Variants in INPP4B observed in about 807,000 individuals in gnomAD.
INPP4B encodes inositol polyphosphate-4-phosphatase type II B, also known as inositol polyphosphate 4-phosphatase type II.
INPP4B carries 55 observed loss-of-function variants against 122.5 expected under a neutral mutation model. The observed-to-expected ratio is 0.45, with a 90% CI of 0.36 to 0.56. INPP4B has a LOEUF of 0.56. INPP4B is among the 20% of genes least tolerant of loss of function. The pLI, the probability that INPP4B is intolerant of heterozygous loss-of-function variation, is 0.00. For synonymous variants in INPP4B, 403 were observed against 388.7 expected (o/e 1.04, Z -0.43); for missense variants, 1,000 against 1,097.7 (o/e 0.91, Z 1.26).
chr4:142,295,340 G>C (rs1295917886), intron 9 of INPP4B, among the ~76,000 whole-genome samples: 1 of 152,186 alleles, frequency 6.6e-6, no homozygotes, highest in Non-Finnish European at 1.5e-5. Context: ...AATGACTGTG[G>C]ATGGGGGTAT....
intron 25 of INPP4B, among the ~76,000 whole-genome samples, chr4:142,034,462 C>T (rs1201082138): frequency 6.6e-6 from 1 of 152,066 alleles, no homozygotes; most frequent in Non-Finnish European, 1.5e-5. Flanking sequence ...GCGATCCCCT[C>T]TTACCTCTCT....
intron 2 of INPP4B, among the ~76,000 whole-genome samples, chr4:142,648,167 T>C (rs1217774147): frequency 6.6e-6 from 1 of 152,256 alleles, no homozygotes; most frequent in African/African-American, 2.4e-5. Context: ...GAAACTGCAT[T>C]GGCATAGGTT....
intron 2 of INPP4B, among the ~76,000 whole-genome samples, chr4:142,558,309 G>A (rs1187921534): frequency 5.9e-4 from 89 of 151,878 alleles, no homozygotes; most frequent in Non-Finnish European, 5.9e-5. Context: ...CTGTTCTCTG[G>A]ATTCATAGCA....
At chr4:142,771,045 A>G (rs770281297) in intron 1 of INPP4B, among the ~76,000 whole-genome samples, 1 of 152,140 alleles carries the variant, frequency 6.6e-6, no homozygotes, top group African/African-American at 2.4e-5. Flanking sequence ...GGCTACAGAG[A>G]ACTTGAAATC....
chr4:142,735,418 A>C (rs1653185652), intron 1 of INPP4B, among the ~76,000 whole-genome samples: 1 of 152,116 alleles, frequency 6.6e-6, no homozygotes, highest in African/African-American at 2.4e-5. Context: ...TAATAAAACT[A>C]ATCCTTCAGT....
At chr4:142,320,709 A>G (rs1769673908) in intron 7 of INPP4B, among the ~76,000 whole-genome samples, 1 of 152,122 alleles carries the variant, frequency 6.6e-6, no homozygotes, top group African/African-American at 2.4e-5. Flanking sequence ...TTGTGTCCTC[A>G]TAGCTTAGCT....
chr4:142,532,502 T>A (rs1008975330), intron 2 of INPP4B, among the ~76,000 whole-genome samples: 5 of 152,132 alleles, frequency 3.3e-5, no homozygotes, highest in Non-Finnish European at 7.3e-5. Flanking sequence ...CTTCCCTTTT[T>A]CATAGCACTC....
chr4:142,589,759 C>T (rs1161992235), intron 2 of INPP4B, among the ~76,000 whole-genome samples: 1 of 152,096 alleles, frequency 6.6e-6, no homozygotes, highest in Non-Finnish European at 1.5e-5. Context: ...TATGACCCAG[C>T]AATTGTGCTT....
intron 14 of INPP4B, among the ~76,000 whole-genome samples, chr4:142,200,213 G>A (rs1285509983): frequency 6.6e-6 from 1 of 151,870 alleles, no homozygotes; most frequent in Non-Finnish European, 1.5e-5. Flanking sequence ...CCAACTTTGT[G>A]TTTTGGGAGC....
intron 10 of INPP4B, among the ~76,000 whole-genome samples, chr4:142,263,456 C>A (rs1741087795): frequency 6.6e-6 from 1 of 151,640 alleles, no homozygotes; most frequent in Admixed American, 6.6e-5. Context: ...ATTCTGTCTT[C>A]TATGAGATAA....
intron 7 of INPP4B, among the ~76,000 whole-genome samples, chr4:142,373,563 G>A (rs562638479): frequency 6.6e-6 from 1 of 151,812 alleles, no homozygotes; most frequent in Admixed American, 6.6e-5. Context: ...TCACCTCTCT[G>A]TGCCTCAATT....
intron 2 of INPP4B, among the ~76,000 whole-genome samples, chr4:142,614,503 TC>T (rs1357726877): frequency 6.6e-6 from 1 of 151,988 alleles, no homozygotes; most frequent in Non-Finnish European, 1.5e-5. Flanking sequence ...TATGACTAAG[TC>T]CTCAAAAGGA....
At chr4:142,487,320 A>G (rs1821323110) in intron 2 of INPP4B, among the ~76,000 whole-genome samples, 1 of 152,148 alleles carries the variant, frequency 6.6e-6, no homozygotes, top group Admixed American at 6.6e-5. Context: ...AAATGGACTA[A>G]TACATTATGC....
chr4:142,405,248 C>T lies in INPP4B; in HGVS notation c.213G>A (p.Val71=). 1 of 1,612,846 alleles carries T rather than the reference C, an allele frequency of 6.2e-7. No homozygotes were observed. The change falls in exon 6 of 26, where the codon GTG becomes GTA. Residue 71 remains valine, a synonymous_variant. Transcript: ENST00000262992. ...TLVQISVIHP[V]EQSLTRYSST... is the part of the protein sequence containing the mutation. The stretch of plus-strand genomic sequence containing the variant: ...TGGAGTATCTTGTCAGACTCTGCTC[C>T]ACGGGGTGGATTACGGAGATCTGCA...
At chr4:142,106,621 T>C (rs1787258455) in intron 23 of INPP4B, among the ~76,000 whole-genome samples, 1 of 152,212 alleles carries the variant, frequency 6.6e-6, no homozygotes, top group Non-Finnish European at 1.5e-5. Flanking sequence ...GCACTGAAAG[T>C]CCTCACAGAC....
Position 142,720,952 on chromosome 4 carries a change from G to T in INPP4B, c.-191+4887C>A, listed in dbSNP as rs10015977. On this transcript the variant is annotated intron_variant, in intron 2 of 25. Transcript: ENST00000262992. ...TATGATTTTCAGCATCATATATATA[G>T]AGAGAGAGAAAGAGAAGAACAAACA... Among the ~76,000 whole-genome samples the T allele has an allele frequency of 9.8e-3, 1,392 of 142,244 alleles. 28 individuals are homozygous for T. Among genetic ancestry groups the T allele is most frequent in the African/African-American group, 0.034 (1,202 of 35,604 alleles). The allele number at this position is 142,244 out of a possible 152,430, so 93.3% of individuals were successfully genotyped here.
intron 5 of INPP4B, among the ~76,000 whole-genome samples, chr4:142,419,861 T>C (rs1378205303): frequency 6.6e-6 from 1 of 152,056 alleles, no homozygotes; most frequent in Non-Finnish European, 1.5e-5. Context: ...AGGGGACCTC[T>C]CTCTCTCCCA....
chr4:142,375,279 C>T (rs1791429306), intron 7 of INPP4B, among the ~76,000 whole-genome samples: 1 of 151,720 alleles, frequency 6.6e-6, no homozygotes, highest in Admixed American at 6.6e-5. Flanking sequence ...GCTTCCCTCC[C>T]CCACCCTTTT....
chr4:142,390,566 T>C (rs1398072040), intron 7 of INPP4B, among the ~76,000 whole-genome samples: 1 of 152,176 alleles, frequency 6.6e-6, no homozygotes, highest in Non-Finnish European at 1.5e-5. Flanking sequence ...CCCTAAAACA[T>C]TCAAAAGAGA....
Sources: allele counts gnomAD v4.1 joint callset (sites outside exome capture counted in the v4.1 genomes callset), GRCh38; gene constraint gnomAD v4.1.1; transcripts MANE v1.5; gene names NCBI Gene and HGNC (gene_info 2026-07-23, HGNC 2026-07-21).